Variants in MRPL39 observed in about 807,000 individuals in gnomAD.
MRPL39 encodes the protein mitochondrial ribosomal protein L39.
Under a neutral mutation model 44.5 loss-of-function variants are expected in MRPL39, and 35 were observed. The ratio of observed to expected loss-of-function variants is 0.79; its 90% CI spans 0.60 to 1.04. The LOEUF (loss-of-function observed/expected upper bound fraction) is 1.04, where lower values mean the gene tolerates loss of function less well. Ranked by LOEUF, MRPL39 falls within the 50% of genes least tolerant of loss-of-function variation. The pLI is 0.00. For synonymous variants in MRPL39, 139 were observed against 136.1 expected, an observed-to-expected ratio of 1.02 and a Z score of -0.15; for missense variants, 433 against 413.5, an observed-to-expected ratio of 1.05 and a Z score of -0.41.
At chr21:25,588,039 C>T (rs766854623) in intron 9 of MRPL39, among the ~76,000 whole-genome samples, 1 of 152,082 alleles carries the variant, frequency 6.6e-6, no homozygotes, top group Non-Finnish European at 1.5e-5. Flanking sequence ...GGGCCGGGCG[C>T]GGTGGCTCAC....
chr21:25,591,193 G>GA lies in MRPL39; in HGVS notation c.921+1618dup, dbSNP rs368200258. ...GTAAAACTCTAAAACTTTTAGGAGGGAAAAAAAAAAGGAGAAAATCTTTGG... is the reference window on the plus strand; with the variant it reads ...GTAAAACTCTAAAACTTTTAGGAGGGAAAAAAAAAAAGGAGAAAATCTTTGG... On this transcript the variant is annotated intron_variant, in intron 8 of 9. Transcript: ENST00000352957. Among the ~76,000 whole-genome samples the GA allele has an allele frequency of 6.3e-4, 91 of 145,258 alleles. 2 individuals are homozygous for GA. Among genetic ancestry groups the GA allele is most frequent in the Admixed American group, 4.7e-3 (68 of 14,604 alleles).
chr21:25,607,299 C>T (rs772595127), intron 1 of MRPL39, 104 bp downstream of exon 1: 1 of 1,282,912 alleles, frequency 7.8e-7, no homozygotes, highest in Non-Finnish European at 1.1e-6. Flanking sequence ...AACCCTCCTC[C>T]TTCCTCTGCC....
At chr21:25,602,828 T>A (rs1230802258) in intron 3 of MRPL39, among the ~76,000 whole-genome samples, 1 of 152,120 alleles carries the variant, frequency 6.6e-6, no homozygotes, top group South Asian at 2.1e-4. Context: ...AAAAGCAAGG[T>A]GGATAACACA....
At chr21:25,601,306 G>T in intron 4 of MRPL39, 62 bp downstream of exon 4, 2 of 1,072,504 alleles carry the variant, frequency 1.9e-6, no homozygotes, top group Non-Finnish European at 2.8e-6. Flanking sequence ...AACTCTATAC[G>T]TCATCAAAAA....
chr21:25,601,383 C>T lies in MRPL39; in HGVS notation c.505G>A (p.Ala169Thr), dbSNP rs750160315. 2.5e-6 allele frequency: 4 copies of T among 1,610,124 alleles called. No individual in the cohort carries two copies. The highest frequency in any genetic ancestry group is 1.1e-5 in the South Asian group (1 of 90,578). Reference sequence around the variant, plus strand: ...TATACACTACCAGGAACTTCTGGAGCTCTGACCAAATTGACCATATATTCA... The same window carrying T: ...TATACACTACCAGGAACTTCTGGAGTTCTGACCAAATTGACCATATATTCA... ...KDEYMVNLVRAPEVPVISGAF... is the reference protein window; with the variant it reads ...KDEYMVNLVRTPEVPVISGAF... Residue 169 changes from alanine (A) to threonine (T), a missense_variant, in exon 4 of 10, where the codon GCT (alanine) becomes ACT (threonine). Physicochemically the swap from Ala to Thr is moderately conservative, Grantham distance 58. Coordinates refer to ENST00000352957, the MANE Select transcript of MRPL39 (RefSeq NM_017446.4).
At chr21:25,601,913 C>T (rs1406767761) in intron 3 of MRPL39, among the ~76,000 whole-genome samples, 1 of 152,204 alleles carries the variant, frequency 6.6e-6, no homozygotes, top group Non-Finnish European at 1.5e-5. Context: ...AACACCCTAA[C>T]ACATCGTTCA....
chr21:25,606,954 G>C (rs2123263514), intron 1 of MRPL39, among the ~76,000 whole-genome samples: 1 of 152,352 alleles, frequency 6.6e-6, no homozygotes, highest in African/African-American at 2.4e-5. Flanking sequence ...AAAGTGGTCG[G>C]TTTGACAGGG....
At position 25,592,822 on chromosome 21, in the gene MRPL39, AC is replaced by A. The variant is rs751667069; in HGVS notation, c.910del (p.Val304PhefsTer3). On this transcript the variant is annotated frameshift_variant, in exon 8 of 10. Coordinates refer to ENST00000352957, the MANE Select transcript of MRPL39 (RefSeq NM_017446.4). LOFTEE classifies it high-confidence loss of function. ...TTAAGCTTTACTTACTCTTAAGTGA[AC>A]AGGTAAAGACACGCCCTGGAATCTT... ...IRRFQGVSLP[V>X]HLRAHFTIWD... The A allele has an allele frequency of 1.9e-5, 31 of 1,607,676 alleles. No individual in the cohort carries two copies. The highest frequency in any genetic ancestry group is 1.5e-4 in the Admixed American group (9 of 59,304).
chr21:25,590,229 C>A (rs1258786163), intron 8 of MRPL39, among the ~76,000 whole-genome samples: 1 of 152,022 alleles, frequency 6.6e-6, no homozygotes, highest in East Asian at 1.9e-4. Context: ...TGGGCTGGGG[C>A]ATGGCTATGA....
intron 2 of MRPL39, among the ~76,000 whole-genome samples, chr21:25,606,124 CCCA>C (rs1366338202): frequency 2.6e-5 from 4 of 152,164 alleles, no homozygotes; most frequent in Non-Finnish European, 5.9e-5. Flanking sequence ...GACTTCTGCG[CCCA>C]CCACATCTGG....
At chr21:25,603,769 AG>A in intron 3 of MRPL39, 26 bp downstream of exon 3, 1 of 1,578,252 alleles carries the variant, frequency 6.3e-7, no homozygotes, top group Non-Finnish European at 8.6e-7. Flanking sequence ...CTGGGGAAAT[AG>A]AAAAAGAATG....
upstream of MRPL39, chr21:25,607,519 C>A: frequency 6.3e-7 from 1 of 1,596,540 alleles, no homozygotes; most frequent in East Asian, 2.2e-5. Context: ...CTCCGCCCTC[C>A]TCCCCCGGAA....
chr21:25,592,192 G>A (rs1348629954), intron 8 of MRPL39, among the ~76,000 whole-genome samples: 1 of 152,172 alleles, frequency 6.6e-6, no homozygotes, highest in African/African-American at 2.4e-5. Flanking sequence ...GAGGGAAGTG[G>A]CTGTAAATGC....
At chr21:25,587,590 G>T in intron 9 of MRPL39, 1 of 910,916 alleles carries the variant, frequency 1.1e-6, no homozygotes, top group Non-Finnish European at 1.7e-6. Flanking sequence ...ATCCTGAAAG[G>T]CTTAACAGAC....
chr21:25,588,543 T>G (rs2031074436), intron 9 of MRPL39, among the ~76,000 whole-genome samples: 1 of 152,214 alleles, frequency 6.6e-6, no homozygotes. Flanking sequence ...ACTGATACCA[T>G]TACAACTATT....
rs774655706 is a variant in MRPL39 at position 25,597,333 on chromosome 21, T to C, written c.670A>G (p.Lys224Glu). ...TGTTGAAATATTTCCAATGCCACTTTTGCTTCAACTTCCAGAGTTTCAAAT... is the reference window on the plus strand; with the variant it reads ...TGTTGAAATATTTCCAATGCCACTTCTGCTTCAACTTCCAGAGTTTCAAAT... ...LPFETLEVEAKVALEIFQHSK... is the reference protein window; with the variant it reads ...LPFETLEVEAEVALEIFQHSK... The change falls in exon 6 of 10, where the codon AAA (lysine) becomes GAA (glutamate). Residue 224 changes from lysine to glutamate, a missense_variant. Coordinates refer to ENST00000352957, the MANE Select transcript of MRPL39 (RefSeq NM_017446.4). The C allele has an allele frequency of 2.5e-6, 4 of 1,600,716 alleles. No homozygotes were observed. Among genetic ancestry groups the C allele is most frequent in the Non-Finnish European group, 3.4e-6 (4 of 1,171,410 alleles).
At position 25,601,350 on chromosome 21, in the gene MRPL39, C is replaced by A; in HGVS notation, c.520+18G>T. The stretch of plus-strand genomic sequence containing the variant: ...AAAATATTTAAGGATCACAAAAAGA[C>A]ATATATGTATACACTACCAGGAACT... On this transcript the variant is annotated intron_variant, in intron 4 of 9. Transcript: ENST00000352957. The A allele has an allele frequency of 6.9e-7, 1 of 1,457,298 alleles. No homozygotes were observed. The highest frequency in any genetic ancestry group is 9.2e-7 in the Non-Finnish European group (1 of 1,084,828). The allele number at this position is 1,457,298 out of a possible 1,614,324, so 90.3% of individuals were successfully genotyped here.
In MRPL39 at chr21:25,601,478, AAT is replaced by A; in HGVS notation, c.421-13_421-12del. 2.0e-6 allele frequency: 3 copies of A among 1,526,040 alleles called. No homozygotes were observed. Among genetic ancestry groups the A allele is most frequent in the Non-Finnish European group, 1.8e-6 (2 of 1,120,058 alleles). 94.5% of individuals were successfully genotyped at this position (1,526,040 alleles called of 1,614,324 possible). A position where few individuals can be genotyped will look rare whatever the true frequency, so the allele number is the denominator to read the frequency against. ...GGAACGCCAATATGCCTAGAAAAAA[AAT>A]ATACATATATAAAATATATATAAAC... On this transcript the variant is annotated splice_polypyrimidine_tract_variant and intron_variant, in intron 3 of 9. Transcript: ENST00000352957.
intron 3 of MRPL39, among the ~76,000 whole-genome samples, chr21:25,603,056 C>T (rs1384270045): frequency 6.6e-6 from 1 of 152,192 alleles, no homozygotes; most frequent in Admixed American, 6.5e-5. Context: ...TAAGATGTTC[C>T]TGCTTCCCCT....
Sources: gnomAD v4.1 joint callset for allele counts (sites outside exome capture counted in the v4.1 genomes callset) on GRCh38, gnomAD v4.1.1 for gene constraint, MANE v1.5 for transcripts, NCBI Gene and HGNC (gene_info 2026-07-23, HGNC 2026-07-21) for gene names.